IGLL5: variants seen among roughly 807,000 people sequenced by gnomAD.
IGLL5 encodes immunoglobulin lambda-like polypeptide 5.
Under a neutral mutation model 20.9 loss-of-function variants are expected in IGLL5, and 30 were observed. The observed-to-expected ratio is 1.44, with a 90% CI of 1.07 to 1.95. The LOEUF (loss-of-function observed/expected upper bound fraction) is 1.95. Among genes scored for constraint, IGLL5 ranks in the 30% most tolerant of loss-of-function variants. The probability of loss-of-function intolerance (pLI) is 0.00; values close to 1 mark genes in which losing one functional copy is unlikely to be tolerated. For missense variants in IGLL5, 475 were observed against 270.7 expected (o/e 1.75, Z -5.30); for synonymous variants, 203 against 117.3 (o/e 1.73, Z -4.72).
At chr22:22,889,580 T>C (rs2067735526) in intron 1 of IGLL5, among the ~76,000 whole-genome samples, 2 of 151,142 alleles carry the variant, frequency 1.3e-5, no homozygotes, top group Admixed American at 6.6e-5. Context: ...CACAATTGTA[T>C]TTGGGGGACT....
intron 2 of IGLL5, among the ~76,000 whole-genome samples, chr22:22,894,199 GCTGC>G: frequency 1.3e-5 from 2 of 151,240 alleles, no homozygotes; most frequent in African/African-American, 2.4e-5. Context: ...GGGCCTGGGA[GCTGC>G]TGAGTCTCAT....
Position 22,893,782 on chromosome 22 carries a change from T to G in IGLL5, c.289T>G (p.Tyr97Asp). The G allele has an allele frequency of 1.2e-6, 2 of 1,609,952 alleles. No homozygotes were observed. The highest frequency in any genetic ancestry group is 1.7e-5 in the Admixed American group (1 of 59,462). ...TTGGTCTGAGCCTCAGTCACTGTGT[T>G]ATGTCTTCGGAACTGGGACCAAGGT... is the stretch of plus-strand genomic sequence containing the variant. ...GFWSEPQSLC[Y>D]VFGTGTKVTV... Residue 97 changes from tyrosine (Y) to aspartate (D), a missense_variant, in exon 2 of 3, where the codon TAT (tyrosine) becomes GAT (aspartate). Transcript: ENST00000526893.
At chr22:22,888,598 A>C (rs1011216073) in intron 1 of IGLL5, among the ~76,000 whole-genome samples, 5 of 151,298 alleles carry the variant, frequency 3.3e-5, no homozygotes, top group South Asian at 4.2e-4. Context: ...GGTGGTGGCC[A>C]CTGTCCCCAC....
chr22:22,894,147 T>G (rs1601623982), intron 2 of IGLL5, among the ~76,000 whole-genome samples: 1 of 151,410 alleles, frequency 6.6e-6, no homozygotes, highest in South Asian at 2.1e-4. Context: ...TTAGGGACAT[T>G]GCCCAGTGAC....
At chr22:22,894,083 A>G (rs558378819) in intron 2 of IGLL5, among the ~76,000 whole-genome samples, 7 of 151,438 alleles carry the variant, frequency 4.6e-5, no homozygotes, top group South Asian at 4.2e-4. Context: ...CTTCCAGGGC[A>G]GATGTCTGAG....
rs764577154 is a variant in IGLL5, at chr22:22,888,274, A to G, written c.206+15A>G. 6 of 1,545,482 alleles carry G rather than the reference A, an allele frequency of 3.9e-6. No homozygotes were observed. The highest frequency in any genetic ancestry group is 2.0e-5 in the Admixed American group (1 of 50,668). ...CTGTGGGGCAGGTAAGGGGCAAGAG[A>G]TTCCAGGGGATGTGGGGGTCCTGCA... On this transcript the variant is annotated intron_variant, in intron 1 of 2. Transcript: ENST00000526893.
chr22:22,894,427 G>A lies in IGLL5; in HGVS notation c.325+609G>A, dbSNP rs896264787. ...GACACAGAGGGACGGGTGAGACTGG[G>A]TGAGGTGCCAGAATCCAACCCTCCC... On this transcript the variant is annotated intron_variant, in intron 2 of 2. Transcript: ENST00000526893. Among the ~76,000 whole-genome samples, 3 of 151,506 alleles carry A rather than the reference G, an allele frequency of 2.0e-5. No homozygotes were observed. The Admixed American group carries it at 2.0e-4, about 10-fold the overall frequency.
At chr22:22,888,878 G>C (rs575612080) in intron 1 of IGLL5, among the ~76,000 whole-genome samples, 4 of 151,402 alleles carry the variant, frequency 2.6e-5, no homozygotes, top group East Asian at 4.1e-4. Context: ...TCTCCCTCTG[G>C]GATGATGCCC....
intron 2 of IGLL5, among the ~76,000 whole-genome samples, chr22:22,894,843 G>C: frequency 6.6e-6 from 1 of 151,480 alleles, no homozygotes; most frequent in East Asian, 2.0e-4. Flanking sequence ...AGCCAAGTGG[G>C]CTGGGCTGGG....
At chr22:22,891,945 C>G (rs1384166450) in intron 1 of IGLL5, among the ~76,000 whole-genome samples, 1 of 150,994 alleles carries the variant, frequency 6.6e-6, no homozygotes, top group Non-Finnish European at 1.5e-5. Flanking sequence ...AACTATCACA[C>G]CATTTGCCAA....
At chr22:22,891,732 C>T (rs564134261) in intron 1 of IGLL5, among the ~76,000 whole-genome samples, 1 of 151,246 alleles carries the variant, frequency 6.6e-6, no homozygotes, top group Admixed American at 6.6e-5. Flanking sequence ...GTTTTTTATT[C>T]ATAAAGGGTT....
chr22:22,889,534 A>G (rs2067730259), intron 1 of IGLL5, among the ~76,000 whole-genome samples: 1 of 151,228 alleles, frequency 6.6e-6, no homozygotes, highest in African/African-American at 2.4e-5. Flanking sequence ...AAAACTGGAA[A>G]AAATCCAAAT....
Position 22,888,198 on chromosome 22 carries a change from G to C in IGLL5, c.145G>C (p.Asp49His), listed in dbSNP as rs1257050555. 1.9e-6 allele frequency: 3 copies of C among 1,548,664 alleles called. No individual in the cohort carries two copies. Among genetic ancestry groups the C allele is most frequent in the African/African-American group, 1.4e-5 (1 of 72,784 alleles). ...CCCAATGGTTGCACCGCAAAGCGGG[G>C]ACCCAGACCCTGGAGCCTCAGTTGG... ...LRPMVAPQSGDPDPGASVGSS... is the reference protein window; with the variant it reads ...LRPMVAPQSGHPDPGASVGSS... The change falls in exon 1 of 3, where the codon GAC becomes CAC. Residue 49 changes from aspartate (D) to histidine (H), a missense_variant. By Grantham distance (81) the Asp-to-His change is moderately conservative. Transcript: ENST00000526893.
chr22:22,887,994 C>G lies in IGLL5; in HGVS notation c.-60C>G. 2 of 1,367,438 alleles carry G rather than the reference C, an allele frequency of 1.5e-6. No individual in the cohort carries two copies. Among genetic ancestry groups the G allele is most frequent in the Non-Finnish European group, 2.0e-6 (2 of 981,214 alleles). The allele number at this position is 1,367,438 out of a possible 1,614,324, so 84.7% of individuals were successfully genotyped here. ...CTGCTGGCGAGAGGGACCAGGGCAC[C>G]GTCCTCCAGGGAGCCCATGCTGCAA... is the stretch of plus-strand genomic sequence containing the variant. On this transcript the variant is annotated 5_prime_UTR_variant, in exon 1 of 3. Transcript: ENST00000526893.
rs1439193974 is a variant in IGLL5 at position 22,893,765 on chromosome 22, A to G, written c.272A>G (p.Glu91Gly). The change falls in exon 2 of 3, where the codon GAG becomes GGG. Residue 91 changes from glutamate to glycine, a missense_variant. Coordinates refer to ENST00000526893, the MANE Select transcript of IGLL5 (RefSeq NM_001178126.2). ...PRCWPRGFWS[E>G]PQSLCYVFGT... Reference sequence around the variant, plus strand: ...TGCTGGCCCCGGGGGTTTTGGTCTGAGCCTCAGTCACTGTGTTATGTCTTC... The same window carrying G: ...TGCTGGCCCCGGGGGTTTTGGTCTGGGCCTCAGTCACTGTGTTATGTCTTC... The G allele has an allele frequency of 6.2e-7, 1 of 1,609,200 alleles. No homozygotes were observed.
At position 22,893,923 on chromosome 22, in the gene IGLL5, G is replaced by A. The variant is rs144868128; in HGVS notation, c.325+105G>A. ...CTCCCCTCTGTCCTCCCAGCCTTAA[G>A]CACTGACCCTTACCTTTCTCCATGG... On this transcript the variant is annotated intron_variant, in intron 2 of 2. Coordinates refer to ENST00000526893, the MANE Select transcript of IGLL5 (RefSeq NM_001178126.2). 87 of 828,268 alleles carry A rather than the reference G, an allele frequency of 1.1e-4. 4 individuals carry two copies. The highest frequency in any genetic ancestry group is 2.7e-4 in the African/African-American group (16 of 59,832). 51.3% of individuals were successfully genotyped at this position (828,268 alleles called of 1,614,324 possible). A position where few individuals can be genotyped will look rare whatever the true frequency, so the allele number is the denominator to read the frequency against.
At chr22:22,894,720 A>T (rs925053831) in intron 2 of IGLL5, among the ~76,000 whole-genome samples, 1 of 151,404 alleles carries the variant, frequency 6.6e-6, no homozygotes, top group African/African-American at 2.4e-5. Context: ...GAGCAGCCCC[A>T]GGAACAGCTG....
intron 2 of IGLL5, among the ~76,000 whole-genome samples, chr22:22,894,301 G>T (rs2068013543): frequency 6.6e-6 from 1 of 151,332 alleles, no homozygotes; most frequent in Non-Finnish European, 1.5e-5. Context: ...ACGGCCTGGT[G>T]ACACAGAGGT....
rs537093879 is a variant in IGLL5 at position 22,895,908 on chromosome 22, A to C, written c.*214A>C. On this transcript the variant is annotated 3_prime_UTR_variant, in exon 3 of 3. Coordinates refer to ENST00000526893, the MANE Select transcript of IGLL5 (RefSeq NM_001178126.2). ...GGGTTCTCAGTGTGGGGTACAGGGA[A>C]TTCTGCACCCAGTGTGAAAATCACC... The C allele has an allele frequency of 1.8e-5, 11 of 616,100 alleles. No individual in the cohort carries two copies. The African/African-American group carries it at 1.9e-4, about 10-fold the overall frequency. The allele number at this position is 616,100 out of a possible 1,614,324, so 38.2% of individuals were successfully genotyped here.
Sources: gnomAD v4.1 joint callset for allele counts (sites outside exome capture counted in the v4.1 genomes callset) on GRCh38, gnomAD v4.1.1 for gene constraint, MANE v1.5 for transcripts, NCBI Gene and HGNC (gene_info 2026-07-23, HGNC 2026-07-21) for gene names.